The following DSC3 variants were observed in gnomAD, a reference collection of about 807,000 sequenced individuals.
The protein encoded by DSC3 is desmocollin-3.
A neutral mutation model predicts 89.5 loss-of-function variants in DSC3; 97 were observed. That is an observed-to-expected ratio of 1.08 (90% CI 0.92 to 1.28). DSC3 has a LOEUF of 1.28. Among genes scored for constraint, DSC3 ranks in the 50% most tolerant of loss-of-function variants. The pLI is 0.00. For missense variants in DSC3, 1,199 were observed against 1,085.3 expected (o/e 1.10, Z -1.47); for synonymous variants, 436 against 384.1 (o/e 1.14, Z -1.58).
chr18:31,001,097 A>G lies in DSC3; in HGVS notation c.2235+521T>C, dbSNP rs997053261. ...ATATACTTTGTGTGTGTGTATATAT[A>G]TATATATATATATATACTTTACACA... On this transcript the variant is annotated intron_variant, in intron 14 of 15. Coordinates refer to ENST00000360428, the MANE Select transcript of DSC3 (RefSeq NM_001941.5). 1.9e-4 allele frequency among the ~76,000 whole-genome samples: 28 copies of G among 147,016 alleles called. No homozygotes were observed. In the East Asian group the frequency reaches 2.5e-3, roughly 13 times the overall value.
At chr18:31,030,529 A>G (rs953059400) in intron 3 of DSC3, among the ~76,000 whole-genome samples, 17 of 152,332 alleles carry the variant, frequency 1.1e-4, no homozygotes, top group African/African-American at 3.8e-4. Flanking sequence ...AACCAAACTG[A>G]CACCAGTGCA....
At chr18:30,997,093 T>G in intron 14 of DSC3, 45 bp from the exon 15 acceptor site, 1 of 1,610,848 alleles carries the variant, frequency 6.2e-7, no homozygotes, top group Admixed American at 1.7e-5. Context: ...GGAAATGGAT[T>G]CTAAGTTGTC....
chr18:31,011,469 T>A (rs1985054313), intron 9 of DSC3, among the ~76,000 whole-genome samples: 1 of 151,506 alleles, frequency 6.6e-6, no homozygotes, highest in Admixed American at 6.6e-5. Context: ...AAGGAATGAA[T>A]AACATGCACT....
intron 14 of DSC3, among the ~76,000 whole-genome samples, chr18:30,997,730 C>T (rs1362273929): frequency 1.3e-5 from 2 of 152,010 alleles, no homozygotes; most frequent in Non-Finnish European, 2.9e-5. Flanking sequence ...TGGGTGAGCA[C>T]AAAATGTTAC....
intron 8 of DSC3, 140 bp from the exon 9 acceptor site, chr18:31,018,396 T>C (rs1253873869): frequency 1.3e-6 from 1 of 761,662 alleles, no homozygotes; most frequent in Admixed American, 3.0e-5. Flanking sequence ...AACACTATTG[T>C]TTCATTAAGG....
intron 14 of DSC3, among the ~76,000 whole-genome samples, chr18:30,997,331 C>T (rs1011521204): frequency 7.9e-5 from 12 of 151,980 alleles, no homozygotes; most frequent in Admixed American, 5.9e-4. Flanking sequence ...TCACATTTGG[C>T]GAGGGCCCAT....
chr18:31,001,089 G>GTGTATATATATATATATA (rs141615987), intron 14 of DSC3, among the ~76,000 whole-genome samples: 4,753 of 124,820 alleles, frequency 0.038, 167 homozygotes, highest in East Asian at 0.079. Context: ...TTGTGTGTGT[G>GTGTATATATATATATATA]TATATATATA....
intron 13 of DSC3, among the ~76,000 whole-genome samples, chr18:31,002,728 A>G (rs957768962): frequency 1.8e-4 from 28 of 152,122 alleles, no homozygotes; most frequent in Admixed American, 1.4e-3. Context: ...AAGAAAGAAA[A>G]AAAAAAGAAA....
intron 1 of DSC3, 104 bp downstream of exon 1, chr18:31,042,488 G>T: frequency 8.4e-7 from 1 of 1,188,604 alleles, no homozygotes; most frequent in South Asian, 1.3e-5. Flanking sequence ...GATCTGAGCC[G>T]CGGTTGTCAC....
chr18:31,029,348 T>C (rs1208621664), intron 4 of DSC3, among the ~76,000 whole-genome samples, 161 bp downstream of exon 4: 1 of 152,212 alleles, frequency 6.6e-6, no homozygotes, highest in African/African-American at 2.4e-5. Flanking sequence ...TCTCATATTA[T>C]TAGGTTTTTA....
At chr18:31,037,895 C>A (rs563431188) in intron 1 of DSC3, among the ~76,000 whole-genome samples, 3 of 144,206 alleles carry the variant, frequency 2.1e-5, no homozygotes, top group Non-Finnish European at 4.4e-5. Flanking sequence ...AAAACTCCAT[C>A]TCAAAAAAAA....
At chr18:31,033,784 T>A (rs924509449) in intron 1 of DSC3, among the ~76,000 whole-genome samples, 1 of 152,232 alleles carries the variant, frequency 6.6e-6, no homozygotes, top group African/African-American at 2.4e-5. Context: ...AATGCCACTT[T>A]CTTTACAAAA....
chr18:31,033,696 A>G (rs958173305), intron 1 of DSC3, among the ~76,000 whole-genome samples: 1 of 152,230 alleles, frequency 6.6e-6, no homozygotes, highest in Non-Finnish European at 1.5e-5. Context: ...TTTATTATGT[A>G]CAACACCAAA....
intron 1 of DSC3, among the ~76,000 whole-genome samples, chr18:31,039,344 A>C (rs1168157263): frequency 6.6e-6 from 1 of 152,170 alleles, no homozygotes; most frequent in Non-Finnish European, 1.5e-5. Context: ...TTTTATAGTA[A>C]ATACACAAAG....
intron 9 of DSC3, among the ~76,000 whole-genome samples, chr18:31,013,180 A>C (rs1471135417): frequency 6.6e-6 from 1 of 152,226 alleles, no homozygotes; most frequent in African/African-American, 2.4e-5. Flanking sequence ...ACGGTACAAA[A>C]GAGAATGTCA....
In DSC3 at chr18:31,030,992, A is replaced by C. The variant is rs2144729861; in HGVS notation, c.335T>G (p.Leu112Arg). 1 of 1,613,856 alleles carries C rather than the reference A, an allele frequency of 6.2e-7. No individual in the cohort carries two copies. The highest frequency in any genetic ancestry group is 1.1e-5 in the South Asian group (1 of 91,058). ...RKQTQKEVTVLLEHQKKVSKT... is the reference protein window; with the variant it reads ...RKQTQKEVTVRLEHQKKVSKT... ...AAATACCTTCTTCTGATGTTCTAGC[A>C]GCACAGTAACCTCTTTCTGTGTCTG... Residue 112 changes from leucine to arginine, a missense_variant, in exon 3 of 16, where the codon CTG (leucine) becomes CGG (arginine). Leu to Arg is a moderately radical substitution (Grantham distance 102). Transcript: ENST00000360428.
At chr18:31,031,241 A>T in intron 2 of DSC3, 69 bp from the exon 3 acceptor site, 1 of 1,108,616 alleles carries the variant, frequency 9.0e-7, no homozygotes, top group Middle Eastern at 2.2e-4. Context: ...AAAATAATTT[A>T]TATAATATTC....
At chr18:31,005,804 G>A (rs1341552919) in intron 12 of DSC3, among the ~76,000 whole-genome samples, 2 of 152,154 alleles carry the variant, frequency 1.3e-5, no homozygotes, top group African/African-American at 2.4e-5. Context: ...TGCAGGTAGC[G>A]AAGGGTCATG....
At chr18:30,999,354 GA>G (rs906471385) in intron 14 of DSC3, among the ~76,000 whole-genome samples, 22 of 150,280 alleles carry the variant, frequency 1.5e-4, no homozygotes, top group Admixed American at 1.2e-3. Context: ...AAAAATACCA[GA>G]AAAAAAGAAT....
Sources: allele counts gnomAD v4.1 joint callset (sites outside exome capture counted in the v4.1 genomes callset), GRCh38; gene constraint gnomAD v4.1.1; transcripts MANE v1.5; gene names NCBI Gene and HGNC (gene_info 2026-07-23, HGNC 2026-07-21).